Variants in RNF123 observed in about 807,000 individuals in gnomAD.
RNF123 encodes the protein ring finger protein 123.
A neutral mutation model predicts 168.5 loss-of-function variants in RNF123; 86 were observed. The ratio of observed to expected loss-of-function variants is 0.51; its 90% CI spans 0.43 to 0.61. The LOEUF is 0.61. Among genes scored for constraint, RNF123 ranks in the 20% least tolerant of loss-of-function variants. The pLI is 0.00. For synonymous variants in RNF123, 666 were observed against 689.1 expected, an observed-to-expected ratio of 0.97 and a Z score of 0.52; for missense variants, 1,419 against 1,729.7, an observed-to-expected ratio of 0.82 and a Z score of 3.19.
At chr3:49,692,844 A>G (rs1245606807) in intron 3 of RNF123, among the ~76,000 whole-genome samples, 1 of 152,184 alleles carries the variant, frequency 6.6e-6, no homozygotes, top group Non-Finnish European at 1.5e-5. Flanking sequence ...CGTTGTGTAT[A>G]TGTACCATGT....
chr3:49,704,763 C>A lies in RNF123; in HGVS notation c.1959+7C>A, dbSNP rs1399053230. On this transcript the variant is annotated splice_region_variant and intron_variant, in intron 22 of 38. Transcript: ENST00000327697. The stretch of plus-strand genomic sequence containing the variant: ...AGCCCCAGCTATGGCCCAGGTGCCG[C>A]AGTGGGGGCAGGCGGTGGGATTTGT... 1 of 1,566,648 alleles carries A rather than the reference C, an allele frequency of 6.4e-7. No homozygotes were observed. The highest frequency in any genetic ancestry group is 2.3e-5 in the East Asian group (1 of 43,572).
At chr3:49,717,866 A>G (rs1272534915) in intron 35 of RNF123, 4 of 1,428,404 alleles carry the variant, frequency 2.8e-6, no homozygotes, top group East Asian at 2.3e-5. Flanking sequence ...GCTTCCCACC[A>G]GTATCTGCCA....
chr3:49,704,811 T>G, intron 22 of RNF123, 55 bp downstream of exon 22: 1 of 1,487,230 alleles, frequency 6.7e-7, no homozygotes, highest in Non-Finnish European at 9.1e-7. Flanking sequence ...CTGTATCTTA[T>G]GGGCAGGGGT....
At chr3:49,691,862 G>T (rs1185071116) in intron 3 of RNF123, among the ~76,000 whole-genome samples, 1 of 152,218 alleles carries the variant, frequency 6.6e-6, no homozygotes, top group African/African-American at 2.4e-5. Context: ...GACTGACCTT[G>T]TAAAGAACAA....
In RNF123 at chr3:49,702,153, C is replaced by G; in HGVS notation, c.1557+9C>G. 1 of 1,613,900 alleles carries G rather than the reference C, an allele frequency of 6.2e-7. No individual in the cohort carries two copies. The highest frequency in any genetic ancestry group is 8.5e-7 in the Non-Finnish European group (1 of 1,179,776). ...ATAAAGATGACAATGGGGTGAGTGA[C>G]TCCCAGGAGCCCTGGGTGGGGCCCT... On this transcript the variant is annotated intron_variant, in intron 18 of 38. Coordinates refer to ENST00000327697, the MANE Select transcript of RNF123 (RefSeq NM_022064.5).
At chr3:49,700,825 G>C (rs951962475) in intron 15 of RNF123, 116 bp downstream of exon 15, 35 of 1,097,834 alleles carry the variant, frequency 3.2e-5, no homozygotes, top group Non-Finnish European at 4.5e-5. Flanking sequence ...AGGAGGACCA[G>C]AGCTGCCCAA....
chr3:49,705,849 G>T, intron 24 of RNF123, 133 bp from the exon 25 acceptor site: 1 of 1,427,332 alleles, frequency 7.0e-7, no homozygotes, highest in Non-Finnish European at 9.7e-7. Flanking sequence ...CTGACCTGCT[G>T]ACTGTTGTGG....
chr3:49,721,378 C>CCCTT lies in RNF123; in HGVS notation c.*74_*77dup. 1 of 1,591,566 alleles carries CCCTT rather than the reference C, an allele frequency of 6.3e-7. No homozygotes were observed. The highest frequency in any genetic ancestry group is 8.6e-7 in the Non-Finnish European group (1 of 1,159,884). The stretch of plus-strand genomic sequence containing the variant: ...CCAGGCTGGGCCCTATTTATGAGCT[C>CCCTT]CCTTTGCCCTTCTCCTGTATCCCAC... On this transcript the variant is annotated 3_prime_UTR_variant, in exon 39 of 39. Transcript: ENST00000327697.
chr3:49,697,548 T>C, intron 5 of RNF123, 91 bp downstream of exon 5: 1 of 1,073,308 alleles, frequency 9.3e-7, no homozygotes, highest in Non-Finnish European at 1.3e-6. Context: ...TCTCTACTCA[T>C]CTGATGGGGC....
intron 26 of RNF123, among the ~76,000 whole-genome samples, chr3:49,709,262 G>A (rs1372251923): frequency 6.6e-6 from 1 of 151,266 alleles, no homozygotes; most frequent in Non-Finnish European, 1.5e-5. Flanking sequence ...CTCCTGAGTA[G>A]CTGGGATTAC....
In RNF123 at chr3:49,719,103, C is replaced by T. The variant is rs149587534; in HGVS notation, c.3501-1408C>T. 13 of 1,613,448 alleles carry T rather than the reference C, an allele frequency of 8.1e-6. No homozygotes were observed. In the African/African-American group the frequency reaches 1.5e-4, roughly 18 times the overall value. On this transcript the variant is annotated intron_variant, in intron 35 of 38. Coordinates refer to ENST00000327697, the MANE Select transcript of RNF123 (RefSeq NM_022064.5). ...CGAGGTCGTGGCGGCCAAGCGCCCG[C>T]AACGTGTTAGATGATAGATCGAGCA...
intron 31 of RNF123, 142 bp from the exon 32 acceptor site, chr3:49,715,433 C>A (rs1011382195): frequency 1.0e-6 from 1 of 985,576 alleles, no homozygotes; most frequent in Non-Finnish European, 1.5e-6. Context: ...TGTCCTCTGT[C>A]CCCTGCTTTC....
chr3:49,704,789 G>A, intron 22 of RNF123, 33 bp downstream of exon 22: 2 of 1,539,752 alleles, frequency 1.3e-6, no homozygotes, highest in Non-Finnish European at 1.8e-6. Context: ...TGGGATTTGT[G>A]TTGGGCTTAT....
chr3:49,697,800 G>T, intron 5 of RNF123, 85 bp from the exon 6 acceptor site: 4 of 1,530,880 alleles, frequency 2.6e-6, no homozygotes, highest in Non-Finnish European at 3.6e-6. Flanking sequence ...ACCAGGGCTG[G>T]CTCAGTTGGG....
intron 12 of RNF123, 130 bp from the exon 13 acceptor site, chr3:49,700,097 C>T (rs2054348974): frequency 1.5e-6 from 2 of 1,342,686 alleles, no homozygotes; most frequent in African/African-American, 2.9e-5. Flanking sequence ...AAGGGGTCAT[C>T]TATGTTTGGT....
Position 49,698,830 on chromosome 3 carries a change from T to G in RNF123, c.638+8T>G. On this transcript the variant is annotated splice_region_variant and intron_variant, in intron 9 of 38. Transcript: ENST00000327697. ...CACTCTGTCCTTCTGCCTGTGAGTT[T>G]CCTATCTCTATGCACAGGCCTGGCC... 6.2e-7 allele frequency: 1 copy of G among 1,613,896 alleles called. No homozygotes were observed. The highest frequency in any genetic ancestry group is 8.5e-7 in the Non-Finnish European group (1 of 1,179,922).
At chr3:49,705,796 C>A (rs2054504810) in intron 24 of RNF123, 117 bp downstream of exon 24, 2 of 1,519,748 alleles carry the variant, frequency 1.3e-6, no homozygotes, top group South Asian at 2.4e-5. Context: ...TGCATGGGAG[C>A]ACATGCCTCA....
chr3:49,719,493 G>C, intron 35 of RNF123: 2 of 1,558,580 alleles, frequency 1.3e-6, no homozygotes, highest in Non-Finnish European at 1.7e-6. Context: ...ACAGTACAGA[G>C]CAGCTCTGTG....
In RNF123 at chr3:49,705,687, A is replaced by C; in HGVS notation, c.2304+8A>C. ...CACCAGCAGCTGGGCAAGGTCGTGC[A>C]CTCTTGGACCCCGCATTGGGTGGCG... On this transcript the variant is annotated splice_region_variant and intron_variant, in intron 24 of 38. Transcript: ENST00000327697. The C allele has an allele frequency of 6.2e-7, 1 of 1,613,782 alleles. No homozygotes were observed. The highest frequency in any genetic ancestry group is 8.5e-7 in the Non-Finnish European group (1 of 1,179,942).
Sources: allele counts gnomAD v4.1 joint callset (sites outside exome capture counted in the v4.1 genomes callset), GRCh38; gene constraint gnomAD v4.1.1; transcripts MANE v1.5; gene names NCBI Gene and HGNC (gene_info 2026-07-23, HGNC 2026-07-21).